The following CSMD1 variants were observed in gnomAD, a reference collection of about 807,000 sequenced individuals.
CSMD1 encodes CUB and sushi domain-containing protein 1.
In CSMD1, 213 loss-of-function variants were observed where a neutral mutation model predicts 417.5. That is an observed-to-expected ratio of 0.51 (90% CI 0.46 to 0.57). CSMD1 has a LOEUF of 0.57. CSMD1 is among the 20% of genes least tolerant of loss of function. CSMD1 has a pLI of 0.00. For missense variants in CSMD1, 6,923 were observed against 4,529.7 expected, an observed-to-expected ratio of 1.53 and a Z score of -15.17; for synonymous variants, 2,862 against 1,736.8, an observed-to-expected ratio of 1.65 and a Z score of -16.11.
chr8:3,638,671 G>C (rs890479082), intron 7 of CSMD1, among the ~76,000 whole-genome samples: 1 of 152,080 alleles, frequency 6.6e-6, no homozygotes, highest in African/African-American at 2.4e-5. Context: ...AGAAAGAACG[G>C]TTCTGTGGAC....
intron 3 of CSMD1, among the ~76,000 whole-genome samples, chr8:4,188,561 G>A (rs1798819882): frequency 6.6e-6 from 1 of 152,108 alleles, no homozygotes; most frequent in African/African-American, 2.4e-5. Context: ...GCAGTATGAG[G>A]TAGACACTGT....
intron 1 of CSMD1, among the ~76,000 whole-genome samples, chr8:4,812,638 T>C (rs1012994289): frequency 3.9e-5 from 6 of 152,198 alleles, no homozygotes; most frequent in Admixed American, 1.3e-4. Flanking sequence ...TCATAGATCA[T>C]TTAAACAAAG....
At chr8:4,429,487 A>T (rs1000040404) in intron 2 of CSMD1, among the ~76,000 whole-genome samples, 1 of 150,484 alleles carries the variant, frequency 6.6e-6, no homozygotes, top group African/African-American at 2.4e-5. Flanking sequence ...GTCAATTGGG[A>T]AACAGATTAG....
At chr8:3,684,071 C>T (rs1245580690) in intron 7 of CSMD1, among the ~76,000 whole-genome samples, 1 of 147,270 alleles carries the variant, frequency 6.8e-6, no homozygotes, top group Non-Finnish European at 1.5e-5. Context: ...TTACTCTAAA[C>T]ATGAAAAAAG....
At chr8:3,653,839 ATATT>A (rs1381222797) in intron 7 of CSMD1, among the ~76,000 whole-genome samples, 5 of 152,174 alleles carry the variant, frequency 3.3e-5, no homozygotes, top group African/African-American at 9.7e-5. Flanking sequence ...TTAAATATAT[ATATT>A]TATCTTCATT....
intron 18 of CSMD1, 59 bp downstream of exon 18, chr8:3,387,435 G>A: frequency 1.4e-6 from 2 of 1,407,846 alleles, no homozygotes; most frequent in Non-Finnish European, 1.9e-6. Flanking sequence ...CAGCTAGTTA[G>A]ACGTGTGCGC....
intron 2 of CSMD1, among the ~76,000 whole-genome samples, chr8:4,560,329 G>T (rs80117168): frequency 6.6e-6 from 1 of 152,192 alleles, no homozygotes; most frequent in Non-Finnish European, 1.5e-5. Flanking sequence ...GATACAGCAC[G>T]TGGTCTCCTA....
chr8:3,268,229 C>G (rs190227032), intron 26 of CSMD1, among the ~76,000 whole-genome samples: 1 of 144,484 alleles, frequency 6.9e-6, no homozygotes, highest in African/African-American at 2.5e-5. Flanking sequence ...TGCCATCATG[C>G]ACACAATGAG....
intron 1 of CSMD1, among the ~76,000 whole-genome samples, chr8:4,656,891 C>T (rs1164036258): frequency 6.6e-6 from 1 of 152,132 alleles, no homozygotes; most frequent in African/African-American, 2.4e-5. Flanking sequence ...AACATCTTAT[C>T]TGTCCTAATC....
chr8:4,088,710 C>A (rs949143449), intron 3 of CSMD1, among the ~76,000 whole-genome samples: 5 of 152,102 alleles, frequency 3.3e-5, no homozygotes, highest in Non-Finnish European at 5.9e-5. Context: ...GCTCCCCGAC[C>A]CCAAAGCTCT....
At chr8:3,612,855 C>T (rs1801958757) in intron 8 of CSMD1, among the ~76,000 whole-genome samples, 1 of 151,838 alleles carries the variant, frequency 6.6e-6, no homozygotes, top group South Asian at 2.1e-4. Flanking sequence ...ATCTCAGCTT[C>T]AACTTTAAGA....
intron 5 of CSMD1, among the ~76,000 whole-genome samples, chr8:3,764,593 G>C (rs571663746): frequency 1.2e-4 from 18 of 152,020 alleles, no homozygotes; most frequent in African/African-American, 3.6e-4. Context: ...ACTTCTCTTG[G>C]ATGGCAGTTT....
At chr8:4,139,728 G>C (rs993198523) in intron 3 of CSMD1, among the ~76,000 whole-genome samples, 4 of 151,174 alleles carry the variant, frequency 2.6e-5, no homozygotes, top group African/African-American at 4.9e-5. Flanking sequence ...AGTGATGCTT[G>C]AGTAGATGAG....
At chr8:3,361,849 G>T (rs151208287) in intron 20 of CSMD1, among the ~76,000 whole-genome samples, 58 of 152,182 alleles carry the variant, frequency 3.8e-4, no homozygotes, top group Non-Finnish European at 7.5e-4. Flanking sequence ...CAGAAAGCCT[G>T]AAACAACACC....
chr8:3,844,474 G>C (rs1020873096), intron 5 of CSMD1, among the ~76,000 whole-genome samples: 4 of 152,162 alleles, frequency 2.6e-5, no homozygotes, highest in Admixed American at 2.0e-4. Context: ...TATGGATTCA[G>C]AGAGAGCAAT....
chr8:4,094,125 T>C (rs1800873074), intron 3 of CSMD1, among the ~76,000 whole-genome samples: 1 of 152,060 alleles, frequency 6.6e-6, no homozygotes, highest in African/African-American at 2.4e-5. Context: ...AGATGGTGCC[T>C]CCGTGTGTGG....
intron 1 of CSMD1, among the ~76,000 whole-genome samples, chr8:4,724,554 G>C (rs909113321): frequency 2.0e-5 from 3 of 151,058 alleles, no homozygotes; most frequent in Admixed American, 6.6e-5. Context: ...GTGTGTGTGT[G>C]TGTGTGTGTT....
chr8:3,841,777 A>G (rs1354723333), intron 5 of CSMD1, among the ~76,000 whole-genome samples: 1 of 152,118 alleles, frequency 6.6e-6, no homozygotes, highest in Admixed American at 6.5e-5. Flanking sequence ...ACAGACAATG[A>G]AAATTAGTAA....
intron 26 of CSMD1, among the ~76,000 whole-genome samples, chr8:3,252,695 C>G (rs185393542): frequency 1.3e-5 from 2 of 152,092 alleles, no homozygotes; most frequent in African/African-American, 2.4e-5. Flanking sequence ...TGGTCCTGGA[C>G]TTTTTTTAGG....
Sources: gnomAD v4.1 joint callset for allele counts (sites outside exome capture counted in the v4.1 genomes callset) on GRCh38, gnomAD v4.1.1 for gene constraint, MANE v1.5 for transcripts, NCBI Gene and HGNC (gene_info 2026-07-23, HGNC 2026-07-21) for gene names.